The following FMN2 variants were observed in gnomAD, a reference collection of about 807,000 sequenced individuals.
FMN2 encodes formin 2.
FMN2 carries 51 observed loss-of-function variants against 142.3 expected under a neutral mutation model. That is an observed-to-expected ratio of 0.36 (90% CI 0.29 to 0.45). FMN2 has a LOEUF of 0.45. Ranked by LOEUF, FMN2 falls within the 20% of genes least tolerant of loss-of-function variation. The probability of loss-of-function intolerance (pLI) is 1.00; values close to 1 mark genes in which losing one functional copy is unlikely to be tolerated. For synonymous variants in FMN2, 882 were observed against 869.8 expected (o/e 1.01, Z -0.25); for missense variants, 1,936 against 2,122.8 (o/e 0.91, Z 1.73).
At chr1:240,100,272 T>C (rs1661369881) in intron 1 of FMN2, among the ~76,000 whole-genome samples, 1 of 152,230 alleles carries the variant, frequency 6.6e-6, no homozygotes, top group South Asian at 2.1e-4. Context: ...ATAAATGTTA[T>C]TGTAATGAAA....
chr1:240,239,429 C>T (rs1268349861), intron 6 of FMN2, among the ~76,000 whole-genome samples: 2 of 152,184 alleles, frequency 1.3e-5, no homozygotes, highest in East Asian at 3.8e-4. Context: ...TTTTTATTCT[C>T]TGAAAATGAG....
At position 240,307,151 on chromosome 1, in the gene FMN2, T is replaced by C. The variant is rs569654360; in HGVS notation, c.4215+12268T>C. Among the ~76,000 whole-genome samples the C allele has an allele frequency of 3.3e-3, 502 of 152,370 alleles. 2 individuals are homozygous for C. The highest frequency in any genetic ancestry group is 0.011 in the African/African-American group (459 of 41,594). On this transcript the variant is annotated intron_variant, in intron 8 of 17. Transcript: ENST00000319653. ...TTATAGATTCTGGATATTAGTCCTT[T>C]GTCAGATGCATAGTTTGCAAATATT...
intron 16 of FMN2, among the ~76,000 whole-genome samples, chr1:240,440,346 C>G (rs1035649858): frequency 6.6e-6 from 1 of 152,190 alleles, no homozygotes; most frequent in Non-Finnish European, 1.5e-5. Context: ...TCCTCAGAGT[C>G]CCATCTAACA....
At position 240,091,977 on chromosome 1, in the gene FMN2, C is replaced by T. The variant is rs1660985879; in HGVS notation, c.-133C>T. 2 of 1,358,080 alleles carry T rather than the reference C, an allele frequency of 1.5e-6. No homozygotes were observed. Among genetic ancestry groups the T allele is most frequent in the Admixed American group, 3.7e-5 (1 of 26,802 alleles). The allele number at this position is 1,358,080 out of a possible 1,614,324, so 84.1% of individuals were successfully genotyped here. A position where few individuals can be genotyped will look rare whatever the true frequency, so the allele number is the denominator to read the frequency against. ...GCGGGGCCAGCCGGGCGCGCGTCGG[C>T]CTCCCCTCCCAGCGGCTCCCCCCGC... On this transcript the variant is annotated 5_prime_UTR_variant, in exon 1 of 18. Coordinates refer to ENST00000319653, the MANE Select transcript of FMN2 (RefSeq NM_020066.5).
chr1:240,294,948 C>A, intron 8 of FMN2, 65 bp downstream of exon 8: 1 of 1,394,312 alleles, frequency 7.2e-7, no homozygotes, highest in Non-Finnish European at 1.0e-6. Context: ...TCTATGTGCA[C>A]ATATAGGCTC....
At chr1:240,185,606 A>T (rs1558345677) in intron 3 of FMN2, among the ~76,000 whole-genome samples, 1 of 152,222 alleles carries the variant, frequency 6.6e-6, no homozygotes, top group African/African-American at 2.4e-5. Context: ...GATAAACTGC[A>T]CTTGTTCTTT....
At chr1:240,258,143 T>G in intron 7 of FMN2, 111 bp downstream of exon 7, 1 of 750,636 alleles carries the variant, frequency 1.3e-6, no homozygotes, top group Non-Finnish European at 2.2e-6. Flanking sequence ...AAACCGAGGT[T>G]AGTATATATC....
intron 15 of FMN2, among the ~76,000 whole-genome samples, chr1:240,416,949 C>T (rs1674597551): frequency 6.6e-6 from 1 of 151,832 alleles, no homozygotes; most frequent in Admixed American, 6.6e-5. Flanking sequence ...TTCACTTTAA[C>T]AATATCCCAC....
chr1:240,095,419 G>A (rs571787595), intron 1 of FMN2, among the ~76,000 whole-genome samples: 1 of 125,446 alleles, frequency 8.0e-6, no homozygotes, highest in Admixed American at 8.3e-5. Context: ...ACATTGAGCA[G>A]CCACATTGTG....
chr1:240,108,896 C>T (rs1030091175), intron 1 of FMN2, among the ~76,000 whole-genome samples: 6 of 151,990 alleles, frequency 3.9e-5, no homozygotes, highest in African/African-American at 9.7e-5. Flanking sequence ...ATTAGCCTGG[C>T]GTGGTGGCGA....
intron 6 of FMN2, among the ~76,000 whole-genome samples, chr1:240,216,212 A>G (rs991269639): frequency 6.6e-6 from 1 of 152,226 alleles, no homozygotes; most frequent in Admixed American, 6.5e-5. Context: ...CAAATGTGAA[A>G]TGATGCTACA....
intron 2 of FMN2, among the ~76,000 whole-genome samples, chr1:240,146,796 C>T (rs1663501547): frequency 6.6e-6 from 1 of 152,112 alleles, no homozygotes; most frequent in African/African-American, 2.4e-5. Flanking sequence ...TATTTAGGAA[C>T]TTGCCCCCAA....
intron 8 of FMN2, among the ~76,000 whole-genome samples, chr1:240,297,790 A>G (rs1670043919): frequency 6.6e-6 from 1 of 152,142 alleles, no homozygotes; most frequent in African/African-American, 2.4e-5. Flanking sequence ...ACCATAGCCT[A>G]AATGGCTTAT....
At chr1:240,154,708 T>A (rs1663941427) in intron 2 of FMN2, 1 of 152,184 alleles carries the variant, frequency 6.6e-6, no homozygotes, top group Admixed American at 6.5e-5. Context: ...AGGAATTTGA[T>A]CTGTAACTGA....
At chr1:240,287,833 T>C (rs529630491) in intron 7 of FMN2, among the ~76,000 whole-genome samples, 91 of 152,326 alleles carry the variant, frequency 6.0e-4, no homozygotes, top group African/African-American at 2.0e-3. Context: ...CCTCTTCTTA[T>C]TAGGTCCATT....
intron 7 of FMN2, among the ~76,000 whole-genome samples, chr1:240,281,402 G>T (rs1254149833): frequency 6.6e-6 from 1 of 152,174 alleles, no homozygotes; most frequent in East Asian, 1.9e-4. Flanking sequence ...TAGGACATAT[G>T]GTATTTTAAC....
rs1666216750 is a variant in FMN2, at chr1:240,203,656, A to AG, written c.1987-3141dup. ...GGAACAAGGCACACTGGGGCCTTTT[A>AG]GGAGGAGTATGGGGAGGGAGAGCAT... is the stretch of plus-strand genomic sequence containing the variant. On this transcript the variant is annotated intron_variant, in intron 4 of 17. Transcript: ENST00000319653. 2.0e-5 allele frequency among the ~76,000 whole-genome samples: 3 copies of AG among 152,190 alleles called. No homozygotes were observed. In the South Asian group the frequency reaches 6.2e-4, roughly 32 times the overall value.
In FMN2 at chr1:240,149,889, A is replaced by G. The variant is rs1310854479; in HGVS notation, c.1782+26544A>G. Among the ~76,000 whole-genome samples the G allele has an allele frequency of 3.3e-5, 5 of 152,226 alleles. No individual in the cohort carries two copies. The East Asian group carries it at 9.6e-4, about 29-fold the overall frequency. Reference sequence around the variant, plus strand: ...GTAGCGAAAGCTTTATAGATTTTTCAAGAAAATAGCATTTGTGTTTTTTTT... The same window carrying G: ...GTAGCGAAAGCTTTATAGATTTTTCGAGAAAATAGCATTTGTGTTTTTTTT... On this transcript the variant is annotated intron_variant, in intron 2 of 17. Transcript: ENST00000319653.
At chr1:240,357,652 G>T (rs572338257) in intron 14 of FMN2, among the ~76,000 whole-genome samples, 1 of 150,690 alleles carries the variant, frequency 6.6e-6, no homozygotes, top group African/African-American at 2.4e-5. Context: ...ACTGTTACCG[G>T]GCTGATGTCC....
Sources: gnomAD v4.1 joint callset for allele counts (sites outside exome capture counted in the v4.1 genomes callset) on GRCh38, gnomAD v4.1.1 for gene constraint, MANE v1.5 for transcripts, NCBI Gene and HGNC (gene_info 2026-07-23, HGNC 2026-07-21) for gene names.